Variants in INTS4 observed in about 807,000 individuals in gnomAD.
INTS4 encodes the protein integrator complex subunit 4.
A neutral mutation model predicts 119.5 loss-of-function variants in INTS4; 70 were observed. That is an observed-to-expected ratio of 0.59 (90% CI 0.48 to 0.71). The LOEUF (loss-of-function observed/expected upper bound fraction) is 0.71. Ranked by LOEUF, INTS4 falls within the 30% of genes least tolerant of loss-of-function variation. The pLI is 0.00. For missense variants in INTS4, 867 were observed against 1,173.2 expected (o/e 0.74, Z 3.81); for synonymous variants, 316 against 419.6 (o/e 0.75, Z 3.02).
In INTS4 at chr11:77,981,497, C is replaced by T; in HGVS notation, c.326G>A (p.Cys109Tyr). ...LSKTAGFSPD[C>Y]IMDDAINILQ... is the part of the protein sequence containing the mutation. The stretch of plus-strand genomic sequence containing the variant: ...GATGTTGATGGCATCATCCATAATG[C>T]AGTCTGGTGAAAATCCTGCTGTCTT... The change falls in exon 3 of 23, where the codon TGC becomes TAC. Residue 109 changes from cysteine to tyrosine, a missense_variant. By Grantham distance (194) the Cys-to-Tyr change is radical. Around this residue, in one of 5 missense-constraint regions of INTS4, gnomAD observed 224 missense variants for 231.8 expected, o/e 0.97. Coordinates refer to ENST00000534064, the MANE Select transcript of INTS4 (RefSeq NM_033547.4). The T allele has an allele frequency of 6.4e-7, 1 of 1,569,166 alleles. No individual in the cohort carries two copies. Among genetic ancestry groups the T allele is most frequent in the Non-Finnish European group, 8.7e-7 (1 of 1,154,952 alleles).
intron 10 of INTS4, among the ~76,000 whole-genome samples, chr11:77,934,153 G>A (rs918041159): frequency 2.6e-5 from 4 of 151,660 alleles, no homozygotes; most frequent in African/African-American, 9.7e-5. Flanking sequence ...GATTAAGGGC[G>A]GTGCAAGATG....
chr11:77,889,138 C>T (rs979840159), intron 21 of INTS4, among the ~76,000 whole-genome samples: 14 of 152,052 alleles, frequency 9.2e-5, no homozygotes, highest in Non-Finnish European at 1.5e-4. Flanking sequence ...ATGTTTATTG[C>T]GGCACCACTC....
downstream of INTS4, among the ~76,000 whole-genome samples, chr11:77,876,478 C>A (rs190765573): frequency 1.3e-5 from 2 of 150,826 alleles, no homozygotes; most frequent in South Asian, 4.2e-4. Context: ...TTCCCCAGAA[C>A]GTGAAAATTC....
Position 77,886,226 on chromosome 11 carries a change from C to T in INTS4, c.2593-2274G>A, listed in dbSNP as rs545315967. On this transcript the variant is annotated intron_variant, in intron 21 of 22. Transcript: ENST00000534064. ...CTCAAAAAAAAGAAAAAAAAAATTC[C>T]CAGCATTCTCAGCAAAACTGTCCTT... Among the ~76,000 whole-genome samples, 10 of 152,074 alleles carry T rather than the reference C, an allele frequency of 6.6e-5. No homozygotes were observed. The South Asian group carries it at 2.1e-3, about 32-fold the overall frequency.
rs543535052 is a variant in INTS4, at chr11:77,885,238, C to T, written c.2593-1286G>A. Among the ~76,000 whole-genome samples the T allele has an allele frequency of 1.2e-4, 19 of 152,062 alleles. No homozygotes were observed. In the South Asian group the frequency reaches 1.7e-3, roughly 13 times the overall value. On this transcript the variant is annotated intron_variant, in intron 21 of 22. Coordinates refer to ENST00000534064, the MANE Select transcript of INTS4 (RefSeq NM_033547.4). ...GATTACAGGCGCCCACCGTCATGCC[C>T]GGCTAATTTTGTATCTTTAGTAGAG...
At chr11:77,934,438 C>T (rs1239009022) in intron 10 of INTS4, among the ~76,000 whole-genome samples, 1 of 148,266 alleles carries the variant, frequency 6.7e-6, no homozygotes, top group African/African-American at 2.5e-5. Flanking sequence ...TAGATCTGCA[C>T]ATTTCTAAAA....
At position 77,962,898 on chromosome 11, in the gene INTS4, C is replaced by T. The variant is rs546040350; in HGVS notation, c.472-1760G>A. Among the ~76,000 whole-genome samples the T allele has an allele frequency of 4.7e-4, 72 of 151,964 alleles. 1 individual carries two copies. In the South Asian group the frequency reaches 0.014, roughly 30 times the overall value. On this transcript the variant is annotated intron_variant, in intron 4 of 22. Transcript: ENST00000534064. The stretch of plus-strand genomic sequence containing the variant: ...GGTGTGGTGGCACACACCTGTAATC[C>T]CAGCTACTCGGGAGGCTGAGGCCAG...
At chr11:77,954,289 A>G (rs1408961720) in intron 8 of INTS4, among the ~76,000 whole-genome samples, 2 of 152,030 alleles carry the variant, frequency 1.3e-5, no homozygotes, top group African/African-American at 2.4e-5. Flanking sequence ...ATTTTAAAAA[A>G]AAAATTTTTT....
chr11:77,929,101 A>C (rs1295414902), intron 10 of INTS4, among the ~76,000 whole-genome samples: 1 of 151,972 alleles, frequency 6.6e-6, no homozygotes, highest in African/African-American at 2.4e-5. Context: ...AGTCCCAGCT[A>C]CTCAGGAAGC....
intron 15 of INTS4, chr11:77,918,067 A>C: frequency 3.1e-6 from 2 of 645,350 alleles, no homozygotes; most frequent in Non-Finnish European, 5.5e-6. Flanking sequence ...ACAGGATGGA[A>C]TACAGGGGGC....
intron 4 of INTS4, among the ~76,000 whole-genome samples, chr11:77,974,049 T>C (rs1591130415): frequency 1.3e-5 from 2 of 152,120 alleles, no homozygotes; most frequent in Admixed American, 6.6e-5. Flanking sequence ...AGTGAAGCCA[T>C]TGAGGCCTGA....
intron 4 of INTS4, among the ~76,000 whole-genome samples, chr11:77,976,111 C>G (rs1367282141): frequency 7.1e-6 from 1 of 141,678 alleles, no homozygotes; most frequent in East Asian, 2.0e-4. Flanking sequence ...TTAGTCTTTT[C>G]AAAAAAGAGA....
chr11:77,924,160 C>T (rs1407709306), intron 12 of INTS4, among the ~76,000 whole-genome samples: 1 of 148,126 alleles, frequency 6.8e-6, no homozygotes, highest in Admixed American at 6.8e-5. Context: ...TTTGGGAGGC[C>T]GGGGCAGGGG....
chr11:77,983,854 A>G (rs1856343361), intron 2 of INTS4, among the ~76,000 whole-genome samples: 1 of 152,214 alleles, frequency 6.6e-6, no homozygotes, highest in Non-Finnish European at 1.5e-5. Flanking sequence ...ATAGAATTAC[A>G]TATGATCCAG....
chr11:77,977,196 T>A (rs1228168313), intron 4 of INTS4, among the ~76,000 whole-genome samples: 1 of 152,152 alleles, frequency 6.6e-6, no homozygotes, highest in Non-Finnish European at 1.5e-5. Context: ...TAATTTTAAA[T>A]ACGGAAAATA....
intron 18 of INTS4, among the ~76,000 whole-genome samples, chr11:77,900,349 T>C (rs549349598): frequency 6.6e-6 from 1 of 152,296 alleles, no homozygotes; most frequent in African/African-American, 2.4e-5. Context: ...TCTGCCCACC[T>C]TGGCCTCCCA....
chr11:77,951,481 T>A (rs1242754463), intron 8 of INTS4, among the ~76,000 whole-genome samples: 1 of 152,168 alleles, frequency 6.6e-6, no homozygotes, highest in Non-Finnish European at 1.5e-5. Flanking sequence ...TGAAACTGGA[T>A]CCCTTCCTTA....
chr11:77,948,325 C>T (rs72939484), intron 8 of INTS4, among the ~76,000 whole-genome samples: 19,920 of 152,118 alleles, frequency 0.13, 1,496 homozygotes, highest in East Asian at 0.25. Flanking sequence ...AACAAAATGG[C>T]AGGAATAAGA....
chr11:77,913,139 C>T (rs891695457), intron 15 of INTS4, among the ~76,000 whole-genome samples: 2 of 152,116 alleles, frequency 1.3e-5, no homozygotes, highest in African/African-American at 2.4e-5. Flanking sequence ...CAGGAGGTCA[C>T]TATTCATACT....
Sources: allele counts gnomAD v4.1 joint callset (sites outside exome capture counted in the v4.1 genomes callset), GRCh38; gene constraint gnomAD v4.1.1; regional missense constraint gnomAD v4.1.1; transcripts MANE v1.5; gene names NCBI Gene and HGNC (gene_info 2026-07-23, HGNC 2026-07-21).